The following CRPPA variants were observed in gnomAD, a reference collection of about 807,000 sequenced individuals.
The protein encoded by CRPPA is CDP-L-ribitol pyrophosphorylase A.
In CRPPA, 43 loss-of-function variants were observed where a neutral mutation model predicts 52.0. That is an observed-to-expected ratio of 0.83 (90% CI 0.65 to 1.07). CRPPA has a LOEUF of 1.07. Among genes scored for constraint, CRPPA ranks in the 50% least tolerant of loss-of-function variants. The pLI, the probability that CRPPA is intolerant of heterozygous loss-of-function variation, is 0.00. For missense variants in CRPPA, 629 were observed against 551.7 expected, an observed-to-expected ratio of 1.14 and a Z score of -1.40; for synonymous variants, 250 against 203.5, an observed-to-expected ratio of 1.23 and a Z score of -1.94.
At chr7:16,204,467 G>A (rs1781924894) in intron 9 of CRPPA, among the ~76,000 whole-genome samples, 1 of 152,184 alleles carries the variant, frequency 6.6e-6, no homozygotes, top group African/African-American at 2.4e-5. Flanking sequence ...TGGAGACTTG[G>A]AAGCAGGGAA....
chr7:16,331,144 C>T (rs565294891), intron 3 of CRPPA, among the ~76,000 whole-genome samples: 11 of 152,140 alleles, frequency 7.2e-5, no homozygotes, highest in Admixed American at 1.3e-4. Context: ...GGACTACAGG[C>T]GCACGCCACC....
At chr7:16,115,408 G>C (rs1583366188) in intron 9 of CRPPA, among the ~76,000 whole-genome samples, 1 of 152,192 alleles carries the variant, frequency 6.6e-6, no homozygotes, top group East Asian at 1.9e-4. Flanking sequence ...TCAACAAATG[G>C]TTTCTTTTAG....
At chr7:16,411,855 T>C (rs1361390475) in intron 1 of CRPPA, among the ~76,000 whole-genome samples, 1 of 152,214 alleles carries the variant, frequency 6.6e-6, no homozygotes, top group Non-Finnish European at 1.5e-5. Context: ...TCCTCTAAAC[T>C]ATTCACCTGT....
At chr7:16,292,463 G>C (rs1784582905) in intron 5 of CRPPA, among the ~76,000 whole-genome samples, 1 of 152,040 alleles carries the variant, frequency 6.6e-6, no homozygotes, top group East Asian at 1.9e-4. Context: ...AGGAGTTGAT[G>C]GTAGCACAGA....
chr7:16,184,118 T>C (rs1781461942), intron 9 of CRPPA, among the ~76,000 whole-genome samples: 2 of 151,912 alleles, frequency 1.3e-5, no homozygotes, highest in Non-Finnish European at 2.9e-5. Flanking sequence ...ATTTTTTGTA[T>C]TTCTAGTAGA....
At chr7:16,145,424 C>T (rs771574489) in intron 9 of CRPPA, among the ~76,000 whole-genome samples, 45 of 152,122 alleles carry the variant, frequency 3.0e-4, no homozygotes, top group Non-Finnish European at 5.4e-4. Context: ...TTATACAAAA[C>T]ATGAAGAATG....
At chr7:16,387,003 G>T (rs1787286325) in intron 2 of CRPPA, among the ~76,000 whole-genome samples, 1 of 146,758 alleles carries the variant, frequency 6.8e-6, no homozygotes, top group African/African-American at 2.5e-5. Context: ...CTGGGCGATA[G>T]AGACTATCTC....
At chr7:16,257,004 A>C (rs1318212661) in intron 8 of CRPPA, among the ~76,000 whole-genome samples, 1 of 152,118 alleles carries the variant, frequency 6.6e-6, no homozygotes, top group East Asian at 1.9e-4. Flanking sequence ...CAAAGACAAA[A>C]AAAGAGGACC....
intron 5 of CRPPA, among the ~76,000 whole-genome samples, chr7:16,279,099 T>C (rs565189420): frequency 4.8e-4 from 73 of 152,332 alleles, no homozygotes; most frequent in African/African-American, 1.7e-3. Context: ...CATAGCATTA[T>C]ATCATGGATA....
chr7:16,096,607 A>C (rs1781939628), intron 9 of CRPPA, among the ~76,000 whole-genome samples: 1 of 152,146 alleles, frequency 6.6e-6, no homozygotes, highest in African/African-American at 2.4e-5. Context: ...TAACAGTGTC[A>C]ATTTTGTTTT....
intron 3 of CRPPA, among the ~76,000 whole-genome samples, chr7:16,350,032 C>G (rs1786106543): frequency 6.6e-6 from 1 of 151,712 alleles, no homozygotes. Context: ...GACATGTGAG[C>G]CCCCATAAAA....
At chr7:16,147,632 T>G (rs1782999976) in intron 9 of CRPPA, among the ~76,000 whole-genome samples, 1 of 152,222 alleles carries the variant, frequency 6.6e-6, no homozygotes, top group African/African-American at 2.4e-5. Flanking sequence ...GTTTTGCTAC[T>G]TAAAGTAAGT....
At chr7:16,154,358 C>T (rs1037531811) in intron 9 of CRPPA, among the ~76,000 whole-genome samples, 2 of 152,032 alleles carry the variant, frequency 1.3e-5, no homozygotes, top group African/African-American at 2.4e-5. Flanking sequence ...CTCCAACCCC[C>T]CAACAGACCC....
chr7:16,281,638 T>C (rs1420562569), intron 5 of CRPPA, among the ~76,000 whole-genome samples: 2 of 152,228 alleles, frequency 1.3e-5, no homozygotes, highest in East Asian at 3.8e-4. Context: ...GTAAGTGTTT[T>C]TCCTACTCTC....
At chr7:16,283,434 A>G (rs571578133) in intron 5 of CRPPA, among the ~76,000 whole-genome samples, 1 of 150,196 alleles carries the variant, frequency 6.7e-6, no homozygotes, top group Non-Finnish European at 1.5e-5. Flanking sequence ...TATATATCAT[A>G]TATGATATAT....
intron 8 of CRPPA, among the ~76,000 whole-genome samples, chr7:16,228,386 G>C (rs184361886): frequency 3.3e-5 from 5 of 151,842 alleles, no homozygotes; most frequent in Non-Finnish European, 5.9e-5. Context: ...GTTCCTTCAA[G>C]TGAAAAGTAG....
intron 9 of CRPPA, 131 bp from the exon 10 acceptor site, chr7:16,091,930 T>G: frequency 2.0e-6 from 1 of 502,914 alleles, no homozygotes. Flanking sequence ...CTCTAGCCAC[T>G]GTCATGGACA....
At chr7:16,387,593 A>G (rs1460349489) in intron 2 of CRPPA, among the ~76,000 whole-genome samples, 1 of 149,738 alleles carries the variant, frequency 6.7e-6, no homozygotes, top group African/African-American at 2.5e-5. Context: ...CATGCTGTCT[A>G]CAAGAGACAA....
At chr7:16,353,324 C>A (rs1786208102) in intron 3 of CRPPA, among the ~76,000 whole-genome samples, 1 of 152,128 alleles carries the variant, frequency 6.6e-6, no homozygotes. Context: ...TGTACTCCAG[C>A]CTGGGTGGCA....
Sources: allele counts gnomAD v4.1 joint callset (sites outside exome capture counted in the v4.1 genomes callset), GRCh38; gene constraint gnomAD v4.1.1; transcripts MANE v1.5; gene names NCBI Gene and HGNC (gene_info 2026-07-23, HGNC 2026-07-21).